TNRC6B: variants seen among roughly 807,000 people sequenced by gnomAD.
TNRC6B encodes trinucleotide repeat-containing gene 6B protein.
Under a neutral mutation model 203.6 loss-of-function variants are expected in TNRC6B, and 52 were observed. That is an observed-to-expected ratio of 0.26 (90% confidence interval 0.20 to 0.32). The LOEUF (loss-of-function observed/expected upper bound fraction) is 0.32. Ranked by LOEUF, TNRC6B falls within the 10% of genes least tolerant of loss-of-function variation. The pLI is 1.00. For synonymous variants in TNRC6B, 838 were observed against 845.7 expected, an observed-to-expected ratio of 0.99 and a Z score of 0.16; for missense variants, 1,923 against 2,286.2, an observed-to-expected ratio of 0.84 and a Z score of 3.24.
At chr22:40,048,401 T>G (rs1384006132) in intron 1 of TNRC6B, among the ~76,000 whole-genome samples, 1 of 151,950 alleles carries the variant, frequency 6.6e-6, no homozygotes, top group Admixed American at 6.6e-5. Context: ...ATTAGCCGGG[T>G]GTGGCGGCGC....
At chr22:40,222,254 C>T (rs879799826) in intron 1 of TNRC6B, among the ~76,000 whole-genome samples, 4 of 152,190 alleles carry the variant, frequency 2.6e-5, no homozygotes, top group Non-Finnish European at 4.4e-5. Flanking sequence ...TTTGGGGAAT[C>T]TTAAGTCGCC....
intron 1 of TNRC6B, among the ~76,000 whole-genome samples, chr22:40,068,037 A>G (rs2067911532): frequency 6.6e-6 from 1 of 152,168 alleles, no homozygotes; most frequent in Non-Finnish European, 1.5e-5. Flanking sequence ...CACTGGGTCA[A>G]ATTCTTTTTT....
At chr22:40,315,161 C>T in intron 19 of TNRC6B, 122 bp from the exon 20 acceptor site, 1 of 772,146 alleles carries the variant, frequency 1.3e-6, no homozygotes, top group South Asian at 1.8e-5. Context: ...AAAATGTGTA[C>T]TATTACTTTT....
Position 40,265,476 on chromosome 22 carries a change from G to A in TNRC6B, c.1246G>A (p.Asp416Asn), listed in dbSNP as rs748706961. Residue 416 changes from aspartate (D) to asparagine (N), a missense_variant, in exon 5 of 23, where the codon GAT (aspartate) becomes AAT (asparagine). Physicochemically the swap from Asp to Asn is conservative, Grantham distance 23. This residue lies in a region of TNRC6B where 614 missense variants were observed against 587.7 expected (regional missense o/e 1.04). Coordinates refer to ENST00000454349, the MANE Select transcript of TNRC6B (RefSeq NM_001162501.2). Reference sequence around the variant, plus strand: ...TGATGCCCCTTCACAAAGCACTGGAGATCGAAAGACTGGGAGTGTTGGATC... The same window carrying A: ...TGATGCCCCTTCACAAAGCACTGGAAATCGAAAGACTGGGAGTGTTGGATC... ...STDAPSQSTG[D>N]RKTGSVGSWG... The A allele has an allele frequency of 1.2e-6, 2 of 1,613,992 alleles. No individual in the cohort carries two copies. Among genetic ancestry groups the A allele is most frequent in the Non-Finnish European group, 8.5e-7 (1 of 1,179,876 alleles).
chr22:40,278,107 C>T (rs777700084), intron 9 of TNRC6B, 63 bp downstream of exon 9: 3 of 1,327,150 alleles, frequency 2.3e-6, no homozygotes, highest in Admixed American at 3.9e-5. Context: ...TTTGGCATCT[C>T]CTGCCCAATT....
chr22:40,178,238 A>G, intron 1 of TNRC6B, 98 bp downstream of exon 1: 1 of 1,383,464 alleles, frequency 7.2e-7, no homozygotes, highest in South Asian at 1.2e-5. Context: ...TTTGTCTAGC[A>G]TGGAGACTGG....
intron 12 of TNRC6B, among the ~76,000 whole-genome samples, chr22:40,295,672 G>C (rs546034988): frequency 6.6e-6 from 1 of 152,196 alleles, no homozygotes; most frequent in South Asian, 2.1e-4. Context: ...ATTTTCAGAA[G>C]ATGGATAGTA....
intron 1 of TNRC6B, among the ~76,000 whole-genome samples, chr22:40,230,285 T>C (rs919735049): frequency 2.1e-5 from 3 of 144,884 alleles, no homozygotes; most frequent in African/African-American, 7.5e-5. Flanking sequence ...CCATCTTCTT[T>C]TTTTTTTTTT....
Position 40,266,499 on chromosome 22 carries a change from A to G in TNRC6B, c.2269A>G (p.Lys757Glu), listed in dbSNP as rs765989873. 3.7e-6 allele frequency: 6 copies of G among 1,613,742 alleles called. No homozygotes were observed. The highest frequency in any genetic ancestry group is 1.3e-5 in the African/African-American group (1 of 74,922). The change falls in exon 5 of 23, where the codon AAA becomes GAA. Residue 757 changes from lysine to glutamate, a missense_variant. Transcript: ENST00000454349. ...NGWGEEVDQT[K>E]NSNWESSASK... ...TTGGGGGGAGGAAGTCGATCAGACA[A>G]AAAACAGCAATTGGGAAAGTTCTGC... is the stretch of plus-strand genomic sequence containing the variant.
chr22:40,055,877 T>TAA (rs1380674323), intron 1 of TNRC6B, among the ~76,000 whole-genome samples: 6 of 152,218 alleles, frequency 3.9e-5, no homozygotes, highest in African/African-American at 1.4e-4. Flanking sequence ...GCCTCTGGTA[T>TAA]ATGTTCTGGG....
chr22:40,157,586 C>T (rs2068828975), intron 4 of TNRC6B, among the ~76,000 whole-genome samples: 3 of 152,180 alleles, frequency 2.0e-5, no homozygotes, highest in Admixed American at 6.5e-5. Context: ...CCTAGCTTTG[C>T]TGTATTCTAT....
chr22:40,061,019 C>G (rs982682999), intron 1 of TNRC6B, among the ~76,000 whole-genome samples: 3 of 152,154 alleles, frequency 2.0e-5, no homozygotes, highest in Non-Finnish European at 4.4e-5. Flanking sequence ...AGATGCCACC[C>G]AAGAGCCAAC....
At chr22:40,214,712 C>T (rs1052977640) in intron 1 of TNRC6B, among the ~76,000 whole-genome samples, 8 of 151,974 alleles carry the variant, frequency 5.3e-5, no homozygotes, top group Admixed American at 4.6e-4. Flanking sequence ...ACCACCATGC[C>T]CAACTAATTA....
At chr22:40,267,304 A>G (rs117235946) in intron 5 of TNRC6B, among the ~76,000 whole-genome samples, 1 of 152,378 alleles carries the variant, frequency 6.6e-6, no homozygotes, top group East Asian at 1.9e-4. Context: ...ATTGGTCTGC[A>G]GAATCCAAAA....
chr22:40,261,906 G>A lies in TNRC6B; in HGVS notation c.190G>A (p.Val64Ile), dbSNP rs2070390936. The A allele has an allele frequency of 6.2e-7, 1 of 1,608,484 alleles. No homozygotes were observed. Residue 64 changes from valine to isoleucine, a missense_variant, in exon 4 of 23, where the codon GTC becomes ATC. This residue lies in a region of TNRC6B where 111 missense variants were observed against 155.3 expected (regional missense o/e 0.71). Coordinates refer to ENST00000454349, the MANE Select transcript of TNRC6B (RefSeq NM_001162501.2). The stretch of plus-strand genomic sequence containing the variant: ...AATTGGCAGCTCTCCATCGCCACCA[G>A]TCAATGGTGGCAACAATGCCAAAAG... ...SPIGSSPSPP[V>I]NGGNNAKRVA... is the part of the protein sequence containing the mutation.
chr22:40,270,901 T>C (rs1447109359), intron 6 of TNRC6B, among the ~76,000 whole-genome samples: 1 of 152,240 alleles, frequency 6.6e-6, no homozygotes, highest in Non-Finnish European at 1.5e-5. Flanking sequence ...ATATCTAGCT[T>C]GCATTTCTAC....
At chr22:40,067,782 G>C (rs552820967) in intron 1 of TNRC6B, among the ~76,000 whole-genome samples, 1 of 152,168 alleles carries the variant, frequency 6.6e-6, no homozygotes, top group East Asian at 1.9e-4. Flanking sequence ...CCTAGCCAAT[G>C]GGATAGTGCC....
At chr22:40,077,222 C>G (rs542932911) in intron 1 of TNRC6B, among the ~76,000 whole-genome samples, 1 of 152,046 alleles carries the variant, frequency 6.6e-6, no homozygotes, top group Non-Finnish European at 1.5e-5. Context: ...ATTTCGCTCA[C>G]GGTAGTCTGC....
chr22:40,059,814 G>GT (rs2067831920), intron 1 of TNRC6B, among the ~76,000 whole-genome samples: 1 of 139,720 alleles, frequency 7.2e-6, no homozygotes, highest in African/African-American at 3.0e-5. Flanking sequence ...GATAGAGTTT[G>GT]GTTTTTTTTT....
Sources: gnomAD v4.1 joint callset for allele counts (sites outside exome capture counted in the v4.1 genomes callset) on GRCh38, gnomAD v4.1.1 for gene constraint, gnomAD v4.1.1 regional missense constraint, MANE v1.5 for transcripts, NCBI Gene and HGNC (gene_info 2026-07-23, HGNC 2026-07-21) for gene names.